Variants in PRTFDC1 observed in about 807,000 individuals in gnomAD.
PRTFDC1 encodes phosphoribosyl transferase domain containing 1.
In PRTFDC1, 38 loss-of-function variants were observed where a neutral mutation model predicts 34.6. That is an observed-to-expected ratio of 1.10 (90% CI 0.85 to 1.44). The LOEUF (loss-of-function observed/expected upper bound fraction) is 1.44, where lower values mean the gene tolerates loss of function less well. Ranked by LOEUF, PRTFDC1 falls within the 40% of genes most tolerant of loss-of-function variation. The probability of loss-of-function intolerance (pLI) is 0.00; values close to 1 mark genes in which losing one functional copy is unlikely to be tolerated. For missense variants in PRTFDC1, 270 were observed against 283.0 expected (o/e 0.95, Z 0.33); for synonymous variants, 93 against 98.1 (o/e 0.95, Z 0.31).
intron 3 of PRTFDC1, among the ~76,000 whole-genome samples, chr10:24,885,153 C>A (rs913205090): frequency 2.0e-5 from 3 of 152,206 alleles, no homozygotes; most frequent in African/African-American, 7.2e-5. Flanking sequence ...AAAACCTTAA[C>A]TATTTCAGCA....
At chr10:24,853,017 T>G (rs1330252012) in intron 7 of PRTFDC1, among the ~76,000 whole-genome samples, 1 of 151,964 alleles carries the variant, frequency 6.6e-6, no homozygotes, top group Non-Finnish European at 1.5e-5. Context: ...GAAGCCTGCT[T>G]GATTCCTCCA....
rs114427552 is a variant in PRTFDC1 at position 24,947,925 on chromosome 10, T to C, written c.48+4603A>G. 3.8e-3 allele frequency among the ~76,000 whole-genome samples: 584 copies of C among 152,054 alleles called. 2 individuals carry two copies. The highest frequency in any genetic ancestry group is 0.013 in the African/African-American group (522 of 41,464). The stretch of plus-strand genomic sequence containing the variant: ...CCTCACAACCATACATCTTGAAAAG[T>C]GGGGACAAGTGGTTTGCTAAAAGAT... On this transcript the variant is annotated intron_variant, in intron 1 of 8. Coordinates refer to ENST00000320152, the MANE Select transcript of PRTFDC1 (RefSeq NM_020200.7).
At chr10:24,867,437 A>G (rs1241970402) in intron 4 of PRTFDC1, among the ~76,000 whole-genome samples, 3 of 152,248 alleles carry the variant, frequency 2.0e-5, no homozygotes, top group East Asian at 1.9e-4. Context: ...ACACAGCTCC[A>G]TGATGTCATC....
chr10:24,949,315 C>T (rs1849299716), intron 1 of PRTFDC1, among the ~76,000 whole-genome samples: 2 of 152,158 alleles, frequency 1.3e-5, no homozygotes. Context: ...AACTCCTGGG[C>T]TCAAGTGATT....
chr10:24,887,912 G>GT (rs58416575), intron 3 of PRTFDC1, among the ~76,000 whole-genome samples: 33,248 of 151,848 alleles, frequency 0.22, 4,047 homozygotes, highest in Non-Finnish European at 0.23. Flanking sequence ...TCACTTCTGT[G>GT]TTTTTAAATT....
chr10:24,851,482 G>C lies in PRTFDC1; in HGVS notation c.554-18C>G, dbSNP rs1326192. ...TCCAGCATCTTAGCAGACAGAGAAA[G>C]AGAAAAAAAAAAAGGAACAAAATTT... is the stretch of plus-strand genomic sequence containing the variant. On this transcript the variant is annotated intron_variant, in intron 7 of 8. Coordinates refer to ENST00000320152, the MANE Select transcript of PRTFDC1 (RefSeq NM_020200.7). 0.46 allele frequency: 717,944 copies of C among 1,577,508 alleles called. 164,768 individuals carry two copies. The highest frequency in any genetic ancestry group is 0.57 in the Middle Eastern group (3,370 of 5,888).
intron 1 of PRTFDC1, among the ~76,000 whole-genome samples, chr10:24,944,667 G>A (rs946413667): frequency 6.6e-6 from 1 of 152,260 alleles, no homozygotes; most frequent in Admixed American, 6.5e-5. Flanking sequence ...CCTGTAGTCC[G>A]AGCTACTCAG....
rs571554043 is a variant in PRTFDC1, at chr10:24,937,452, G to A, written c.156-85C>T. ...TAATGAAATGCAAGATGTATTGTAC[G>A]TATTCGATTACTCAGAGGAATGTGG... On this transcript the variant is annotated intron_variant, in intron 2 of 8. Coordinates refer to ENST00000320152, the MANE Select transcript of PRTFDC1 (RefSeq NM_020200.7). The A allele has an allele frequency of 2.9e-5, 35 of 1,223,374 alleles. No individual in the cohort carries two copies. In the East Asian group the frequency reaches 3.8e-4, roughly 13 times the overall value. 75.8% of individuals were successfully genotyped at this position (1,223,374 alleles called of 1,614,324 possible).
At chr10:24,850,361 G>T (rs1477384829) in intron 8 of PRTFDC1, among the ~76,000 whole-genome samples, 1 of 152,182 alleles carries the variant, frequency 6.6e-6, no homozygotes, top group Non-Finnish European at 1.5e-5. Context: ...GATGGGCTCA[G>T]TGGCCCCTGT....
chr10:24,849,863 T>G lies in PRTFDC1; in HGVS notation c.659A>C (p.Lys220Thr). 6.2e-7 allele frequency: 1 copy of G among 1,614,040 alleles called. No homozygotes were observed. The highest frequency in any genetic ancestry group is 8.5e-7 in the Non-Finnish European group (1 of 1,179,926). ...ATGTCTTTAGACTCGATATTTTTCT[T>G]TACCGTGCTCATTGATGACGCATAT... ...NHICVINEHG[K>T]EKYRV The change falls in exon 9 of 9, where the codon AAA (lysine) becomes ACA (threonine). Residue 220 changes from lysine (K) to threonine (T), a missense_variant. Coordinates refer to ENST00000320152, the MANE Select transcript of PRTFDC1 (RefSeq NM_020200.7).
chr10:24,870,950 T>C (rs1167732268), intron 4 of PRTFDC1, among the ~76,000 whole-genome samples: 1 of 151,402 alleles, frequency 6.6e-6, no homozygotes, highest in Non-Finnish European at 1.5e-5. Context: ...CAGGTGCCTG[T>C]AATCCCAGCT....
At chr10:24,939,810 A>AAAAAG (rs1849123859) in intron 2 of PRTFDC1, among the ~76,000 whole-genome samples, 2 of 149,958 alleles carry the variant, frequency 1.3e-5, no homozygotes, top group African/African-American at 5.0e-5. Context: ...AAAAAAAAAA[A>AAAAAG]AAAAAGAAAA....
intron 3 of PRTFDC1, among the ~76,000 whole-genome samples, chr10:24,904,163 GA>G (rs369797151): frequency 9.3e-4 from 142 of 152,164 alleles, no homozygotes; most frequent in African/African-American, 3.3e-3. Flanking sequence ...TTGTGTGGAT[GA>G]AATTTATCTG....
chr10:24,910,960 CA>C (rs1179049475), intron 3 of PRTFDC1, among the ~76,000 whole-genome samples: 1 of 151,670 alleles, frequency 6.6e-6, no homozygotes, highest in African/African-American at 2.4e-5. Context: ...GCATCCCCAG[CA>C]GCTAAGTACT....
chr10:24,922,056 T>A (rs1848799620), intron 3 of PRTFDC1, among the ~76,000 whole-genome samples: 1 of 152,234 alleles, frequency 6.6e-6, no homozygotes, highest in Admixed American at 6.5e-5. Flanking sequence ...TGTTGCTTTT[T>A]CCCACCAAAT....
rs773108511 is a variant in PRTFDC1 at position 24,849,798 on chromosome 10, G to A, written c.*46C>T. 1.5e-5 allele frequency: 24 copies of A among 1,593,144 alleles called. No individual in the cohort carries two copies. The highest frequency in any genetic ancestry group is 2.7e-5 in the African/African-American group (2 of 74,468). Reference sequence around the variant, plus strand: ...GACAGCTGGCTTCCCAAGTACAGGCGTAAATATGATGCTATCTGGGACTTT... The same window carrying A: ...GACAGCTGGCTTCCCAAGTACAGGCATAAATATGATGCTATCTGGGACTTT... On this transcript the variant is annotated 3_prime_UTR_variant, in exon 9 of 9. Transcript: ENST00000320152.
intron 3 of PRTFDC1, among the ~76,000 whole-genome samples, chr10:24,907,017 T>C (rs1242360725): frequency 2.0e-5 from 3 of 152,210 alleles, no homozygotes; most frequent in Non-Finnish European, 4.4e-5. Flanking sequence ...AAAAGTCATA[T>C]GAACACGTTA....
In PRTFDC1 at chr10:24,922,948, G is replaced by T. The variant is rs547394896; in HGVS notation, c.339+14236C>A. Among the ~76,000 whole-genome samples the T allele has an allele frequency of 1.4e-4, 21 of 152,294 alleles. No individual in the cohort carries two copies. The South Asian group carries it at 4.4e-3, about 32-fold the overall frequency. On this transcript the variant is annotated intron_variant, in intron 3 of 8. Transcript: ENST00000320152. ...AACCGTACACTTCTGTCCAAATACT[G>T]CACTTTTCCCACAGTCTTAGCAACT...
chr10:24,863,029 C>A (rs1042972684), intron 4 of PRTFDC1, among the ~76,000 whole-genome samples: 1 of 151,950 alleles, frequency 6.6e-6, no homozygotes, highest in African/African-American at 2.4e-5. Flanking sequence ...AGGTGCACGC[C>A]GGATGCCCAG....
Sources: allele counts gnomAD v4.1 joint callset (sites outside exome capture counted in the v4.1 genomes callset), GRCh38; gene constraint gnomAD v4.1.1; transcripts MANE v1.5; gene names NCBI Gene and HGNC (gene_info 2026-07-23, HGNC 2026-07-21).